The following LAMA5 variants were observed in gnomAD, a reference collection of about 807,000 sequenced individuals.
LAMA5 encodes the protein laminin subunit alpha 5.
In LAMA5, 260 loss-of-function variants were observed where a neutral mutation model predicts 433.4. That is an observed-to-expected ratio of 0.60 (90% CI 0.54 to 0.66). The LOEUF (loss-of-function observed/expected upper bound fraction) is 0.66, where lower values mean the gene tolerates loss of function less well. LAMA5 is among the 30% of genes least tolerant of loss of function. The pLI is 0.00. For synonymous variants in LAMA5, 2,620 were observed against 2,226.6 expected, an observed-to-expected ratio of 1.18 and a Z score of -4.97; for missense variants, 5,378 against 5,258.5, an observed-to-expected ratio of 1.02 and a Z score of -0.70.
chr20:62,322,314 C>T lies in LAMA5; in HGVS notation c.6301G>A (p.Glu2101Lys), dbSNP rs370433088. 1.4e-4 allele frequency: 219 copies of T among 1,600,256 alleles called. No individual in the cohort carries two copies. The highest frequency in any genetic ancestry group is 4.4e-4 in the South Asian group (39 of 89,552). The change falls in exon 47 of 80, where the codon GAG becomes AAG. Residue 2101 changes from glutamate to lysine, a missense_variant. Physicochemically the swap from Glu to Lys is moderately conservative, Grantham distance 56. Coordinates refer to ENST00000252999, the MANE Select transcript of LAMA5 (RefSeq NM_005560.6). Reference protein sequence around the residue: ...RPGTMGPQCRECAPGYWGLPE... With the variant: ...RPGTMGPQCRKCAPGYWGLPE... ...AGCCCCCAGTAGCCAGGGGCACACT[C>T]GCGGCACTGGGGTCCCATGGTCCCT...
At position 62,367,025 on chromosome 20, in the gene LAMA5, G is replaced by A; in HGVS notation, c.221C>T (p.Pro74Leu). The A allele has an allele frequency of 1.6e-6, 2 of 1,276,424 alleles. No homozygotes were observed. The highest frequency in any genetic ancestry group is 2.0e-6 in the Non-Finnish European group (2 of 1,014,570). 79.1% of individuals were successfully genotyped at this position (1,276,424 alleles called of 1,614,324 possible). A position where few individuals can be genotyped will look rare whatever the true frequency, so the allele number is the denominator to read the frequency against. Residue 74 changes from proline (P) to leucine (L), a missense_variant, in exon 1 of 80, where the codon CCG becomes CTG. Physicochemically the swap from Pro to Leu is moderately conservative, Grantham distance 98 (BLOSUM62 -3). Transcript: ENST00000252999. ...CGEEAPARGS[P>L]RPTEDLYCKL... ...GCAGTAAAGGTCCTCGGTGGGGCGC[G>A]GGGAGCCGCGCGCCGGGGCCTCCTC...
At chr20:62,362,166 T>C (rs1327918247) in intron 2 of LAMA5, among the ~76,000 whole-genome samples, 1 of 152,206 alleles carries the variant, frequency 6.6e-6, no homozygotes, top group Admixed American at 6.5e-5. Context: ...AACACCCCCA[T>C]GAGCACCCGC....
chr20:62,353,233 C>T lies in LAMA5; in HGVS notation c.469G>A (p.Val157Ile), dbSNP rs777376207. Residue 157 changes from valine to isoleucine, a missense_variant, in exon 3 of 80, where the codon GTC (valine) becomes ATC (isoleucine). Physicochemically the swap from Val to Ile is conservative, Grantham distance 29. Coordinates refer to ENST00000252999, the MANE Select transcript of LAMA5 (RefSeq NM_005560.6). The part of the protein sequence containing the change: ...DLGQVFHVAY[V>I]LIKFANSPRP... Reference sequence around the variant, plus strand: ...GGTGAGTTGGCAAACTTGATGAGGACGTAGGCCACGTGGAAGACCTGTGGG... The same window carrying T: ...GGTGAGTTGGCAAACTTGATGAGGATGTAGGCCACGTGGAAGACCTGTGGG... 9 of 1,594,918 alleles carry T rather than the reference C, an allele frequency of 5.6e-6. No homozygotes were observed. The highest frequency in any genetic ancestry group is 1.3e-5 in the African/African-American group (1 of 74,570).
rs759961163 is a variant in LAMA5 at position 62,309,762 on chromosome 20, C to T, written c.10902G>A (p.Ala3634=). 9.3e-6 allele frequency: 15 copies of T among 1,605,046 alleles called. No individual in the cohort carries two copies. Among genetic ancestry groups the T allele is most frequent in the African/African-American group, 5.4e-5 (4 of 74,260 alleles). Reference sequence around the variant, plus strand: ...GAGGGGCTGGGGCACCAGCTGCAGCCGCCAGCAAGGGGCCCACGGTGTGGT... The same window carrying T: ...GAGGGGCTGGGGCACCAGCTGCAGCTGCCAGCAAGGGGCCCACGGTGTGGT... ...QSNHTVGPLL[A]AAAGAPAPLY... The change falls in exon 79 of 80, where the codon GCG becomes GCA. Residue 3634 remains alanine (A), a synonymous_variant. Transcript: ENST00000252999.
At position 62,326,688 on chromosome 20, in the gene LAMA5, G is replaced by T; in HGVS notation, c.5287C>A (p.Gln1763Lys). Reference protein sequence around the residue: ...TPGHVHRGQLQLVEGNFRHTE... With the variant: ...TPGHVHRGQLKLVEGNFRHTE... ...CCAGCTCCCCTCACCTCCACCAGCT[G>T]CAGCTGCCCACGGTGAACGTGGCCA... The change falls in exon 40 of 80, where the codon CAG becomes AAG. Residue 1763 changes from glutamine (Q) to lysine (K), a missense_variant. Coordinates refer to ENST00000252999, the MANE Select transcript of LAMA5 (RefSeq NM_005560.6). The T allele has an allele frequency of 6.2e-7, 1 of 1,612,176 alleles. No homozygotes were observed.
rs374377218 is a variant in LAMA5 at position 62,312,548 on chromosome 20, G to T, written c.9228-16C>A. 6.3e-7 allele frequency: 1 copy of T among 1,599,474 alleles called. No homozygotes were observed. Among genetic ancestry groups the T allele is most frequent in the East Asian group, 2.2e-5 (1 of 44,838 alleles). ...CCGTCGCAGGCTGTGGGGAAGCGGG[G>T]ATGCGGGTCAGGGCGCCACCTCCAA... On this transcript the variant is annotated splice_polypyrimidine_tract_variant and intron_variant, in intron 67 of 79. Transcript: ENST00000252999.
chr20:62,354,315 A>G (rs1019668509), intron 2 of LAMA5, among the ~76,000 whole-genome samples: 3 of 149,678 alleles, frequency 2.0e-5, no homozygotes, highest in Admixed American at 6.7e-5. Flanking sequence ...CAGGCCTCTG[A>G]TCAGCCTGGG....
rs477859 is a variant in LAMA5 at position 62,362,541 on chromosome 20, A to G, written c.309T>C (p.Cys103=). 0.79 allele frequency: 1,251,840 copies of G among 1,585,558 alleles called. 495,511 individuals carry two copies. The highest frequency in any genetic ancestry group is 0.92 in the East Asian group (40,234 of 43,532). ...DPNQTIRGQY[C]DICTAANSNK... is the part of the protein sequence containing the mutation. The stretch of plus-strand genomic sequence containing the variant: ...TGCTGTTGGCAGCCGTGCAGATGTC[A>G]CAGTACTGGCCCTGCAGAGGGAACG... Residue 103 remains cysteine, a synonymous_variant, in exon 2 of 80, where the codon TGT becomes TGC. Coordinates refer to ENST00000252999, the MANE Select transcript of LAMA5 (RefSeq NM_005560.6).
At chr20:62,349,178 G>A (rs1214205954) in intron 6 of LAMA5, among the ~76,000 whole-genome samples, 6 of 150,526 alleles carry the variant, frequency 4.0e-5, no homozygotes, top group Non-Finnish European at 7.4e-5. Flanking sequence ...GGCTGAGGTG[G>A]GAGAATGGCA....
At position 62,311,995 on chromosome 20, in the gene LAMA5, C is replaced by G. The variant is rs1478705924; in HGVS notation, c.9560G>C (p.Arg3187Thr). 1 of 1,612,622 alleles carries G rather than the reference C, an allele frequency of 6.2e-7. No individual in the cohort carries two copies. Among genetic ancestry groups the G allele is most frequent in the African/African-American group, 1.3e-5 (1 of 74,930 alleles). ...GCCCGCTTGAGTTTTCACTTCAGTC[C>G]TCAGGAGCTGTAGGCTCACACGGCC... ...QQGRVSLQLL[R>T]TEVKTQAGFA... The change falls in exon 70 of 80, where the codon AGG becomes ACG. Residue 3187 changes from arginine to threonine, a missense_variant. Arg to Thr is a moderately conservative substitution (Grantham distance 71). Transcript: ENST00000252999.
In LAMA5 at chr20:62,359,985, T is replaced by A. The variant is rs1413922737; in HGVS notation, c.450+2415A>T. Among the ~76,000 whole-genome samples the A allele has an allele frequency of 7.6e-6, 1 of 132,380 alleles. No homozygotes were observed. Among genetic ancestry groups the A allele is most frequent in the Non-Finnish European group, 1.5e-5 (1 of 64,706 alleles). 86.8% of individuals were successfully genotyped at this position (132,380 alleles called of 152,430 possible). On this transcript the variant is annotated intron_variant, in intron 2 of 79. Coordinates refer to ENST00000252999, the MANE Select transcript of LAMA5 (RefSeq NM_005560.6). The surrounding 1 kb of genome is among the most constrained non-coding windows in gnomAD (Gnocchi z 4.3). ...CCGCTCCAGATCCCAGAACAAAGGC[T>A]GCTGGCAGCCCGCTGCAGGGGGAGT...
chr20:62,338,546 G>A lies in LAMA5; in HGVS notation c.1540C>T (p.Arg514Cys), dbSNP rs957412035. 21 of 1,610,942 alleles carry A rather than the reference G, an allele frequency of 1.3e-5. No individual in the cohort carries two copies. The highest frequency in any genetic ancestry group is 2.2e-5 in the East Asian group (1 of 44,830). ...TGGAAGTTGGGTTTGCACAGACAGCGTCCCACCCTTGGGTCCTTCCGGCAG... is the reference window on the plus strand; with the variant it reads ...TGGAAGTTGGGTTTGCACAGACAGCATCCCACCCTTGGGTCCTTCCGGCAG... The part of the protein sequence containing the change: ...NACRKDPRVG[R>C]CLCKPNFQGT... Residue 514 changes from arginine (R) to cysteine (C), a missense_variant, in exon 12 of 80, where the codon CGC (arginine) becomes TGC (cysteine). Physicochemically the swap from Arg to Cys is radical, Grantham distance 180. Transcript: ENST00000252999.
chr20:62,332,948 G>GCAGGAGGCAGGAGGCAGGAGA (rs1980765385), intron 26 of LAMA5, 142 bp downstream of exon 26: 2 of 1,146,166 alleles, frequency 1.7e-6, no homozygotes, highest in Non-Finnish European at 2.4e-6. Flanking sequence ...GAGGCAGGAG[G>GCAGGAGGCAGGAGGCAGGAGA]CAGGGGCGCC....
rs368328748 is a variant in LAMA5 at position 62,322,389 on chromosome 20, C to T, written c.6226G>A (p.Ala2076Thr). Reference protein sequence around the residue: ...GCRPCACGPAAEGSECHPQSG... With the variant: ...GCRPCACGPATEGSECHPQSG... ...TGGGGGTGGCACTCGGAGCCCTCGG[C>T]GGCCGGTCCACAAGCACACGGGCGG... Residue 2076 changes from alanine to threonine, a missense_variant, in exon 47 of 80, where the codon GCC (alanine) becomes ACC (threonine). Ala to Thr is a moderately conservative substitution (Grantham distance 58). Coordinates refer to ENST00000252999, the MANE Select transcript of LAMA5 (RefSeq NM_005560.6). The T allele has an allele frequency of 1.4e-5, 23 of 1,591,754 alleles. No homozygotes were observed. Among genetic ancestry groups the T allele is most frequent in the African/African-American group, 4.0e-5 (3 of 74,462 alleles).
rs1393831344 is a variant in LAMA5, at chr20:62,338,148, A to AC, written c.1758dup (p.Cys587ValfsTer15). On this transcript the variant is annotated frameshift_variant and splice_region_variant, in exon 14 of 80. Transcript: ENST00000252999. LOFTEE classifies it high-confidence loss of function. ...AAGGTTCCTGCAGGGCTGCAGCCAC[A>AC]CACTGCAGAGCGGAGCGGGTGTCAC... 3 of 1,582,610 alleles carry AC rather than the reference A, an allele frequency of 1.9e-6. No homozygotes were observed. The highest frequency in any genetic ancestry group is 8.6e-7 in the Non-Finnish European group (1 of 1,163,096).
At chr20:62,353,329 C>T in intron 2 of LAMA5, 78 bp from the exon 3 acceptor site, 1 of 1,065,474 alleles carries the variant, frequency 9.4e-7, no homozygotes, top group South Asian at 1.5e-5. Flanking sequence ...CATTTTCTGC[C>T]CCTCAGGTGA....
Position 62,309,200 on chromosome 20 carries a change from A to G in LAMA5, c.*136T>C. On this transcript the variant is annotated 3_prime_UTR_variant, in exon 80 of 80. Transcript: ENST00000252999. ...ATTTTATTCTTTCGTTTAAGAAGCT[A>G]TAACTTAAACCATCTTCAGAAACAA... The G allele has an allele frequency of 2.3e-6, 2 of 884,532 alleles. No individual in the cohort carries two copies. The highest frequency in any genetic ancestry group is 3.3e-6 in the Non-Finnish European group (2 of 609,926). 54.8% of individuals were successfully genotyped at this position (884,532 alleles called of 1,614,324 possible). A position where few individuals can be genotyped will look rare whatever the true frequency, so the allele number is the denominator to read the frequency against.
intron 58 of LAMA5, among the ~76,000 whole-genome samples, chr20:62,315,500 G>C (rs973714222): frequency 1.3e-5 from 2 of 151,950 alleles, no homozygotes; most frequent in Non-Finnish European, 2.9e-5. Context: ...GGCTTGCTGG[G>C]AACAGTCCGC....
At position 62,310,025 on chromosome 20, in the gene LAMA5, G is replaced by C. The variant is rs756074736; in HGVS notation, c.10791C>G (p.Pro3597=). ...AGEFSTSVTR[P]SVLCDGQWHR... ...GCCACTGGCCATCACACAGCACTGA[G>C]GGGCGGGTCACTGACGTGGAGAACT... is the stretch of plus-strand genomic sequence containing the variant. Residue 3597 remains proline, a synonymous_variant, in exon 78 of 80, where the codon CCC becomes CCG. Coordinates refer to ENST00000252999, the MANE Select transcript of LAMA5 (RefSeq NM_005560.6). 2 of 1,611,304 alleles carry C rather than the reference G, an allele frequency of 1.2e-6. No homozygotes were observed. The highest frequency in any genetic ancestry group is 1.3e-5 in the African/African-American group (1 of 74,932).
Sources: gnomAD v4.1 joint callset for allele counts (sites outside exome capture counted in the v4.1 genomes callset) on GRCh38, gnomAD v4.1.1 for gene constraint, Gnocchi (gnomAD v3.1) non-coding constraint, MANE v1.5 for transcripts, NCBI Gene and HGNC (gene_info 2026-07-23, HGNC 2026-07-21) for gene names.